The following HTR2C variants were observed in gnomAD, a reference collection of about 807,000 sequenced individuals.
HTR2C encodes 5-hydroxytryptamine (serotonin) receptor 2C, G protein-coupled.
Under a neutral mutation model 21.0 loss-of-function variants are expected in HTR2C, and 5 were observed. The observed-to-expected ratio is 0.24, with a 90% CI of 0.12 to 0.50. The LOEUF (loss-of-function observed/expected upper bound fraction) is 0.50, where lower values mean the gene tolerates loss of function less well. Ranked by LOEUF, HTR2C falls within the 20% of genes least tolerant of loss-of-function variation. The pLI is 0.98. For missense variants in HTR2C, 271 were observed against 371.2 expected, an observed-to-expected ratio of 0.73 and a Z score of 2.22; for synonymous variants, 150 against 145.3, an observed-to-expected ratio of 1.03 and a Z score of -0.23.
At chrX:114,726,418 C>T (rs1218964440) in intron 2 of HTR2C, among the ~76,000 whole-genome samples, 3 of 112,343 alleles carry the variant, frequency 2.7e-5, no homozygotes, top group African/African-American at 6.5e-5. Flanking sequence ...CACTGTCTGG[C>T]ACTCCCTAGT....
At chrX:114,675,341 C>T (rs1393974888) in intron 2 of HTR2C, among the ~76,000 whole-genome samples, 2 of 111,720 alleles carry the variant, frequency 1.8e-5, no homozygotes, top group Non-Finnish European at 3.8e-5. Context: ...TTGATTAAGC[C>T]CTTTTTACTT....
chrX:114,677,773 T>C (rs1931609576), intron 2 of HTR2C, among the ~76,000 whole-genome samples: 1 of 111,329 alleles, frequency 9.0e-6, no homozygotes, highest in South Asian at 3.7e-4. Context: ...CTTCTTGCAA[T>C]TGTTTTCTGC....
In HTR2C at chrX:114,731,281, TC is replaced by T. The variant is rs1602728669; in HGVS notation, c.36-12del. 1.8e-6 allele frequency: 2 copies of T among 1,141,062 alleles called. No individual in the cohort carries two copies. The highest frequency in any genetic ancestry group is 1.2e-6 in the Non-Finnish European group (1 of 849,080). The allele number at this position is 1,141,062 out of a possible 1,213,427, so 94.0% of individuals were successfully genotyped here. ...ATATGTACCTGATTGTTTTTTTTTT[TC>T]TTAATTTTCAGTGTGCACCTAATTG... On this transcript the variant is annotated splice_polypyrimidine_tract_variant and intron_variant, in intron 3 of 5. Coordinates refer to ENST00000276198, the MANE Select transcript of HTR2C (RefSeq NM_000868.4).
At chrX:114,825,227 A>G (rs1190698950) in intron 4 of HTR2C, among the ~76,000 whole-genome samples, 1 of 111,048 alleles carries the variant, frequency 9.0e-6, no homozygotes, top group Non-Finnish European at 1.9e-5. Flanking sequence ...CATGGATTTG[A>G]GTTTTCTTTT....
In HTR2C at chrX:114,822,048, T is replaced by A. The variant is rs368681582; in HGVS notation, c.350-25955T>A. ...TTTTAGTAGAGATGGGGTTTCGCCA[T>A]GTTGGCCAGGCTGGTCTCGAACTCC... On this transcript the variant is annotated intron_variant, in intron 4 of 5. Coordinates refer to ENST00000276198, the MANE Select transcript of HTR2C (RefSeq NM_000868.4). 4.9e-3 allele frequency among the ~76,000 whole-genome samples: 541 copies of A among 110,378 alleles called. 4 individuals carry two copies. The highest frequency in any genetic ancestry group is 0.017 in the African/African-American group (515 of 30,312).
chrX:114,616,228 G>GTT (rs781786026), intron 2 of HTR2C, among the ~76,000 whole-genome samples: 1,508 of 104,122 alleles, frequency 0.014, 20 homozygotes, highest in African/African-American at 0.05. Context: ...TCTTTGGGTT[G>GTT]TTTTTTTTTT....
intron 1 of HTR2C, among the ~76,000 whole-genome samples, chrX:114,613,371 T>C (rs1928825108): frequency 8.9e-6 from 1 of 111,839 alleles, no homozygotes; most frequent in African/African-American, 3.2e-5. Context: ...GTCATGGCGC[T>C]GGTGAGAGTG....
At chrX:114,716,965 C>T in intron 2 of HTR2C, among the ~76,000 whole-genome samples, 1 of 111,435 alleles carries the variant, frequency 9.0e-6, no homozygotes, top group Non-Finnish European at 1.9e-5. Context: ...GTCATAATTT[C>T]TGAACACTGA....
intron 2 of HTR2C, among the ~76,000 whole-genome samples, chrX:114,707,094 A>G (rs1397537575): frequency 8.9e-6 from 1 of 111,980 alleles, no homozygotes; most frequent in Admixed American, 9.6e-5. Flanking sequence ...CAAGCCAGCC[A>G]TCTTAACATC....
At chrX:114,661,734 C>T (rs2147842101) in intron 2 of HTR2C, among the ~76,000 whole-genome samples, 1 of 111,141 alleles carries the variant, frequency 9.0e-6, no homozygotes, top group Non-Finnish European at 1.9e-5. Context: ...TTTTGGCGTC[C>T]AGAGATCTCA....
intron 4 of HTR2C, among the ~76,000 whole-genome samples, chrX:114,778,517 G>A (rs1263609601): frequency 9.2e-5 from 9 of 97,940 alleles, no homozygotes; most frequent in African/African-American, 3.4e-4. Context: ...ATGAGATAAA[G>A]CAATGAGGAA....
intron 5 of HTR2C, among the ~76,000 whole-genome samples, chrX:114,855,877 A>G (rs2070956726): frequency 1.0e-5 from 1 of 97,122 alleles, no homozygotes; most frequent in African/African-American, 3.8e-5. Context: ...TAAATTCTTT[A>G]TAATTTTTTT....
rs900146657 is a variant in HTR2C, at chrX:114,612,878, G to T, written c.-146-937G>T. 8.1e-5 allele frequency among the ~76,000 whole-genome samples: 9 copies of T among 111,123 alleles called. No homozygotes were observed. The East Asian group carries it at 2.6e-3, about 32-fold the overall frequency. ...TTATCAGGAAAGTAAAGGAATAAAAGAATGGCTACTTCATAGAGCAGCCCT... is the reference window on the plus strand; with the variant it reads ...TTATCAGGAAAGTAAAGGAATAAAATAATGGCTACTTCATAGAGCAGCCCT... On this transcript the variant is annotated intron_variant, in intron 1 of 5. Transcript: ENST00000276198.
chrX:114,727,762 C>G (rs2069497397), intron 3 of HTR2C, among the ~76,000 whole-genome samples: 1 of 111,767 alleles, frequency 8.9e-6, no homozygotes, highest in Admixed American at 9.5e-5. Flanking sequence ...ATATAAAGTT[C>G]AGCAACATTG....
chrX:114,826,473 G>T (rs1337807100), intron 4 of HTR2C, among the ~76,000 whole-genome samples: 2 of 112,076 alleles, frequency 1.8e-5, no homozygotes, highest in Admixed American at 1.9e-4. Flanking sequence ...TTTGTTTCAT[G>T]CACAAAATTA....
intron 2 of HTR2C, among the ~76,000 whole-genome samples, chrX:114,697,812 CA>C (rs1197414489): frequency 8.9e-6 from 1 of 111,886 alleles, no homozygotes; most frequent in Non-Finnish European, 1.9e-5. Flanking sequence ...AACAAATTGC[CA>C]AAAAAACCTA....
At chrX:114,757,292 A>G (rs1341296462) in intron 4 of HTR2C, among the ~76,000 whole-genome samples, 2 of 111,680 alleles carry the variant, frequency 1.8e-5, no homozygotes, top group African/African-American at 6.5e-5. Context: ...TCTCTAAATA[A>G]TAGTCCATAG....
rs1157461321 is a variant in HTR2C, at chrX:114,632,662, A to G, written c.-80+18781A>G. On this transcript the variant is annotated intron_variant, in intron 2 of 5. Transcript: ENST00000276198. ...CTATAATCTTTATCAATGCTATTGA[A>G]CCAAGAATAAAAGGAATGTGAACAT... Among the ~76,000 whole-genome samples, 3 of 111,133 alleles carry G rather than the reference A, an allele frequency of 2.7e-5. No individual in the cohort carries two copies. The East Asian group carries it at 8.5e-4, about 31-fold the overall frequency.
At chrX:114,699,260 C>T (rs1048186464) in intron 2 of HTR2C, among the ~76,000 whole-genome samples, 8 of 111,813 alleles carry the variant, frequency 7.2e-5, no homozygotes, top group Non-Finnish European at 1.1e-4. Context: ...TTTCCAATAA[C>T]GCTGTAGCCT....
Sources: gnomAD v4.1 joint callset for allele counts (sites outside exome capture counted in the v4.1 genomes callset) on GRCh38, gnomAD v4.1.1 for gene constraint, MANE v1.5 for transcripts, NCBI Gene and HGNC (gene_info 2026-07-23, HGNC 2026-07-21) for gene names.